The following PDE3B variants were observed in gnomAD, a reference collection of about 807,000 sequenced individuals.
PDE3B encodes the protein phosphodiesterase 3B, also known as cGMP-inhibited 3',5'-cyclic phosphodiesterase 3B.
In PDE3B, 66 loss-of-function variants were observed where a neutral mutation model predicts 116.8. The observed-to-expected ratio is 0.56, with a 90% CI of 0.46 to 0.69. The LOEUF (loss-of-function observed/expected upper bound fraction) is 0.69. Among genes scored for constraint, PDE3B ranks in the 30% least tolerant of loss-of-function variants. PDE3B has a pLI of 0.00. For missense variants in PDE3B, 1,384 were observed against 1,368.1 expected (o/e 1.01, Z -0.18); for synonymous variants, 595 against 533.6 (o/e 1.12, Z -1.59).
chr11:14,724,648 C>G (rs752835205), intron 1 of PDE3B, among the ~76,000 whole-genome samples: 1 of 152,106 alleles, frequency 6.6e-6, no homozygotes, highest in Non-Finnish European at 1.5e-5. Flanking sequence ...GATACTCAAC[C>G]TGTATTAGAT....
At position 14,830,682 on chromosome 11, in the gene PDE3B, A is replaced by G. The variant is rs1394248906; in HGVS notation, c.1808-16A>G. On this transcript the variant is annotated splice_polypyrimidine_tract_variant and intron_variant, in intron 7 of 15. Transcript: ENST00000282096. ...ACATTTTACTCCTATATATTACTAT[A>G]TATATTTTTTGAAAGGTGAAGAAGA... The G allele has an allele frequency of 3.1e-6, 4 of 1,305,314 alleles. No homozygotes were observed. Among genetic ancestry groups the G allele is most frequent in the Non-Finnish European group, 3.1e-6 (3 of 960,556 alleles). The allele number at this position is 1,305,314 out of a possible 1,614,324, so 80.9% of individuals were successfully genotyped here. A position where few individuals can be genotyped will look rare whatever the true frequency, so the allele number is the denominator to read the frequency against.
At chr11:14,860,715 C>T (rs1749347356) in intron 13 of PDE3B, among the ~76,000 whole-genome samples, 1 of 152,124 alleles carries the variant, frequency 6.6e-6, no homozygotes, top group Admixed American at 6.5e-5. Flanking sequence ...TGATTCATGA[C>T]ATTCTGAGTC....
chr11:14,728,191 C>T (rs1856365995), intron 1 of PDE3B, among the ~76,000 whole-genome samples: 2 of 151,966 alleles, frequency 1.3e-5, no homozygotes, highest in East Asian at 1.9e-4. Context: ...TTTAAACAAG[C>T]TCTTTCATTT....
chr11:14,837,246 C>A (rs1306439557), intron 11 of PDE3B, among the ~76,000 whole-genome samples: 1 of 152,232 alleles, frequency 6.6e-6, no homozygotes, highest in East Asian at 1.9e-4. Flanking sequence ...ACACACTTAA[C>A]TGACAGTGAC....
intron 2 of PDE3B, chr11:14,774,899 T>G (rs1857740178): frequency 6.6e-6 from 1 of 152,226 alleles, no homozygotes; most frequent in African/African-American, 2.4e-5. Flanking sequence ...ATTTACTCTG[T>G]TCCAGCTGCA....
intron 1 of PDE3B, among the ~76,000 whole-genome samples, chr11:14,738,365 A>G (rs1156722594): frequency 1.3e-5 from 2 of 152,198 alleles, no homozygotes; most frequent in Admixed American, 1.3e-4. Flanking sequence ...TTCTCTAATG[A>G]CCAGTGATGA....
At chr11:14,695,874 C>T (rs1590068547) in intron 1 of PDE3B, among the ~76,000 whole-genome samples, 2 of 152,150 alleles carry the variant, frequency 1.3e-5, no homozygotes, top group African/African-American at 4.8e-5. Context: ...GCATACTATT[C>T]CATCATGTGT....
At chr11:14,850,478 T>G (rs1471681266) in intron 12 of PDE3B, among the ~76,000 whole-genome samples, 2 of 152,030 alleles carry the variant, frequency 1.3e-5, no homozygotes, top group African/African-American at 4.8e-5. Flanking sequence ...CCCTAAAACT[T>G]AAAGTATAAT....
intron 5 of PDE3B, among the ~76,000 whole-genome samples, chr11:14,806,128 A>G (rs1261918874): frequency 2.6e-5 from 4 of 152,158 alleles, no homozygotes; most frequent in Admixed American, 2.6e-4. Context: ...TTGACCCAGC[A>G]ATCCCATTAC....
intron 1 of PDE3B, among the ~76,000 whole-genome samples, chr11:14,645,611 C>G (rs1853379066): frequency 6.6e-6 from 1 of 152,148 alleles, no homozygotes; most frequent in Non-Finnish European, 1.5e-5. Flanking sequence ...GATGAAAAGA[C>G]AGCAGTATAG....
chr11:14,849,039 A>C (rs1847678915), intron 12 of PDE3B, among the ~76,000 whole-genome samples: 2 of 152,072 alleles, frequency 1.3e-5, no homozygotes, highest in Non-Finnish European at 2.9e-5. Context: ...GTCAATCCTA[A>C]GCCAAAAGAA....
At chr11:14,656,781 T>C (rs1051915326) in intron 1 of PDE3B, among the ~76,000 whole-genome samples, 1 of 152,220 alleles carries the variant, frequency 6.6e-6, no homozygotes, top group Non-Finnish European at 1.5e-5. Context: ...CTATTAATAG[T>C]TGAAATTCTC....
chr11:14,689,427 T>C (rs897037354), intron 1 of PDE3B, among the ~76,000 whole-genome samples: 14 of 152,162 alleles, frequency 9.2e-5, no homozygotes, highest in Admixed American at 2.6e-4. Flanking sequence ...TCCTTTAAGA[T>C]TGAAGCCCTG....
intron 2 of PDE3B, among the ~76,000 whole-genome samples, chr11:14,779,715 T>G (rs1857914730): frequency 6.6e-6 from 1 of 152,108 alleles, no homozygotes; most frequent in Non-Finnish European, 1.5e-5. Flanking sequence ...TGCAAAAACA[T>G]GCCAAATTGT....
chr11:14,800,832 T>C (rs1381368397), intron 4 of PDE3B, among the ~76,000 whole-genome samples: 3 of 152,100 alleles, frequency 2.0e-5, no homozygotes, highest in Non-Finnish European at 4.4e-5. Flanking sequence ...TAGTCCCTTA[T>C]TTCTTGGAGG....
At chr11:14,658,874 T>C (rs1853800644) in intron 1 of PDE3B, among the ~76,000 whole-genome samples, 2 of 152,240 alleles carry the variant, frequency 1.3e-5, no homozygotes. Context: ...AGGGACAGTA[T>C]CTTATTTATT....
intron 12 of PDE3B, among the ~76,000 whole-genome samples, chr11:14,845,684 T>C (rs2133976001): frequency 6.6e-6 from 1 of 152,076 alleles, no homozygotes; most frequent in East Asian, 1.9e-4. Flanking sequence ...GAAAACTACG[T>C]GAAGAATGCA....
At chr11:14,881,213 A>C in the PDE3B span, among the ~76,000 whole-genome samples, 1 of 152,098 alleles carries the variant, frequency 6.6e-6, no homozygotes, top group Non-Finnish European at 1.5e-5. Flanking sequence ...TTAGAAAATA[A>C]ATTTCCTCCC....
intron 1 of PDE3B, among the ~76,000 whole-genome samples, chr11:14,667,505 G>C (rs1313690140): frequency 6.6e-6 from 1 of 151,204 alleles, no homozygotes; most frequent in East Asian, 2.0e-4. Context: ...ATACTATGCA[G>C]CCATAAAAAA....
Sources: gnomAD v4.1 joint callset for allele counts (sites outside exome capture counted in the v4.1 genomes callset) on GRCh38, gnomAD v4.1.1 for gene constraint, MANE v1.5 for transcripts, NCBI Gene and HGNC (gene_info 2026-07-23, HGNC 2026-07-21) for gene names.